Variants in SEMA4A observed in about 807,000 individuals in gnomAD.
The protein encoded by SEMA4A is semaphorin-4A.
In SEMA4A, 52 loss-of-function variants were observed where a neutral mutation model predicts 72.5. The ratio of observed to expected loss-of-function variants is 0.72; its 90% confidence interval spans 0.57 to 0.90. SEMA4A has a LOEUF of 0.90. Among genes scored for constraint, SEMA4A ranks in the 40% least tolerant of loss-of-function variants. The pLI, the probability that SEMA4A is intolerant of heterozygous loss-of-function variation, is 0.00. For synonymous variants in SEMA4A, 369 were observed against 393.1 expected, an observed-to-expected ratio of 0.94 and a Z score of 0.73; for missense variants, 926 against 959.7, an observed-to-expected ratio of 0.96 and a Z score of 0.46.
At chr1:156,171,624 TG>T (rs1654781758) in intron 10 of SEMA4A, among the ~76,000 whole-genome samples, 1 of 152,158 alleles carries the variant, frequency 6.6e-6, no homozygotes, top group Non-Finnish European at 1.5e-5. Flanking sequence ...TTGCCCAGGC[TG>T]GAGTACAGTG....
chr1:156,161,070 A>C, intron 8 of SEMA4A, 41 bp downstream of exon 8: 1 of 1,575,094 alleles, frequency 6.3e-7, no homozygotes, highest in Non-Finnish European at 8.6e-7. Flanking sequence ...CTGGAGGAGA[A>C]CCAATAGGGA....
At position 156,176,631 on chromosome 1, in the gene SEMA4A, G is replaced by A. The variant is rs977813224; in HGVS notation, c.1920G>A (p.Val640=). The A allele has an allele frequency of 4.3e-6, 7 of 1,614,082 alleles. No homozygotes were observed. Among genetic ancestry groups the A allele is most frequent in the Non-Finnish European group, 5.9e-6 (7 of 1,180,028 alleles). The change falls in exon 15 of 15, where the codon GTG becomes GTA. Residue 640 remains valine, a synonymous_variant. Coordinates refer to ENST00000368285, the MANE Select transcript of SEMA4A (RefSeq NM_022367.4). ...GFSYPVISYW[V]DSQDQTLALD... is the part of the protein sequence containing the mutation. ...CATACCCTGTGATCTCCTACTGGGTGGACAGCCAGGACCAGACCCTGGCCC... is the reference window on the plus strand; with the variant it reads ...CATACCCTGTGATCTCCTACTGGGTAGACAGCCAGGACCAGACCCTGGCCC...
chr1:156,160,346 A>C (rs1653469952), intron 6 of SEMA4A, 97 bp from the exon 7 acceptor site: 2 of 946,780 alleles, frequency 2.1e-6, no homozygotes, highest in South Asian at 2.6e-5. Context: ...GGCCCCCGAG[A>C]CTGATATGGA....
chr1:156,161,318 CG>C, intron 8 of SEMA4A, 27 bp from the exon 9 acceptor site: 3 of 1,334,618 alleles, frequency 2.2e-6, no homozygotes, highest in South Asian at 1.2e-5. Flanking sequence ...GCGCCCGGGG[CG>C]CCCCCTGACT....
chr1:156,156,354 A>G (rs1354355379), intron 2 of SEMA4A, 60 bp from the exon 3 acceptor site: 1 of 1,545,322 alleles, frequency 6.5e-7, no homozygotes, highest in African/African-American at 1.4e-5. Flanking sequence ...CTTTTATCTC[A>G]GGAGTCAGCT....
chr1:156,159,030 T>TAAAA, intron 6 of SEMA4A: 3 of 190,256 alleles, frequency 1.6e-5, no homozygotes, highest in South Asian at 5.2e-5. Flanking sequence ...CGAGATCGTC[T>TAAAA]CAAAAAAAAA....
intron 13 of SEMA4A, 135 bp from the exon 14 acceptor site, chr1:156,175,421 C>T (rs1655221276): frequency 6.4e-6 from 7 of 1,100,430 alleles, no homozygotes; most frequent in Non-Finnish European, 9.6e-6. Context: ...GCTGCTCTGG[C>T]CATTCCGCGT....
intron 10 of SEMA4A, among the ~76,000 whole-genome samples, chr1:156,170,511 C>T (rs1654618997): frequency 7.0e-6 from 1 of 143,368 alleles, no homozygotes; most frequent in East Asian, 2.1e-4. Context: ...TCCCACAGCA[C>T]TTTGGGAGGC....
At chr1:156,175,429 C>T (rs1158845553) in intron 13 of SEMA4A, 127 bp from the exon 14 acceptor site, 13 of 1,095,202 alleles carry the variant, frequency 1.2e-5, no homozygotes, top group African/African-American at 1.6e-5. Flanking sequence ...GGCCATTCCG[C>T]GTTCCTCTCT....
At chr1:156,160,684 G>C (rs747693252) in intron 7 of SEMA4A, 125 bp downstream of exon 7, 4 of 1,050,794 alleles carry the variant, frequency 3.8e-6, no homozygotes, top group Non-Finnish European at 5.8e-6. Context: ...ATATGGCAGG[G>C]AAGAAGGCAA....
chr1:156,160,911 C>A lies in SEMA4A; in HGVS notation c.692C>A (p.Ala231Asp). ...DNFLRWLHHD[A>D]SFVAAIPSTQ... is the part of the protein sequence containing the mutation. ...ATCTGCCCCTCCCCCGCAGATGACG[C>A]CTCCTTTGTGGCAGCCATCCCTTCG... The change falls in exon 8 of 15, where the codon GCC becomes GAC. Residue 231 changes from alanine (A) to aspartate (D), a missense_variant. Coordinates refer to ENST00000368285, the MANE Select transcript of SEMA4A (RefSeq NM_022367.4). 1 of 1,613,750 alleles carries A rather than the reference C, an allele frequency of 6.2e-7. No individual in the cohort carries two copies. The highest frequency in any genetic ancestry group is 8.5e-7 in the Non-Finnish European group (1 of 1,179,942).
At chr1:156,158,891 T>G (rs1409174372) in intron 6 of SEMA4A, 67 bp downstream of exon 6, 6 of 1,368,942 alleles carry the variant, frequency 4.4e-6, no homozygotes, top group Non-Finnish European at 6.3e-6. Flanking sequence ...AAATATGGAA[T>G]ATTACAGAGT....
At chr1:156,174,130 T>C (rs1195992232) in intron 11 of SEMA4A, among the ~76,000 whole-genome samples, 1 of 151,474 alleles carries the variant, frequency 6.6e-6, no homozygotes, top group Non-Finnish European at 1.5e-5. Flanking sequence ...AAATAGCCAT[T>C]GTGGAAAGAG....
At chr1:156,175,770 G>A (rs920898958) in intron 14 of SEMA4A, 114 bp downstream of exon 14, 17 of 778,566 alleles carry the variant, frequency 2.2e-5, no homozygotes, top group Non-Finnish European at 3.6e-5. Flanking sequence ...CTTGAGATCT[G>A]AACACCCGAG....
At chr1:156,164,778 G>C (rs1654003918) in intron 10 of SEMA4A, among the ~76,000 whole-genome samples, 2 of 151,474 alleles carry the variant, frequency 1.3e-5, no homozygotes, top group South Asian at 4.2e-4. Flanking sequence ...TGCTTGCTTT[G>C]TTTTCTAAGC....
intron 10 of SEMA4A, among the ~76,000 whole-genome samples, chr1:156,167,292 C>T (rs1415647491): frequency 1.3e-5 from 2 of 151,702 alleles, no homozygotes; most frequent in Non-Finnish European, 2.9e-5. Flanking sequence ...AGTTTGAGAG[C>T]AGCCTGGGCA....
intron 4 of SEMA4A, 42 bp from the exon 5 acceptor site, chr1:156,158,346 G>A (rs1449716190): frequency 1.3e-6 from 2 of 1,520,414 alleles, no homozygotes; most frequent in Non-Finnish European, 1.8e-6. Context: ...CCAGCAATTT[G>A]AGTCAGGTGG....
At chr1:156,163,681 A>T (rs1653889780) in intron 10 of SEMA4A, among the ~76,000 whole-genome samples, 1 of 137,352 alleles carries the variant, frequency 7.3e-6, no homozygotes, top group African/African-American at 2.7e-5. Context: ...AGATTGCGCC[A>T]CTGCACTCCA....
rs374441472 is a variant in SEMA4A at position 156,172,941 on chromosome 1, G to A, written c.1250G>A (p.Arg417Gln). The A allele has an allele frequency of 5.0e-6, 8 of 1,614,014 alleles. No homozygotes were observed. Among genetic ancestry groups the A allele is most frequent in the East Asian group, 4.5e-5 (2 of 44,898 alleles). ...GTGAAATCTGGCGTGGAGTATACAC[G>A]GCTTGCAGTGGAGACAGCCCAGGGC... is the stretch of plus-strand genomic sequence containing the variant. The part of the protein sequence containing the change: ...LLVKSGVEYT[R>Q]LAVETAQGLD... The change falls in exon 11 of 15, where the codon CGG becomes CAG. Residue 417 changes from arginine to glutamine, a missense_variant. Coordinates refer to ENST00000368285, the MANE Select transcript of SEMA4A (RefSeq NM_022367.4).
Sources: allele counts gnomAD v4.1 joint callset (sites outside exome capture counted in the v4.1 genomes callset), GRCh38; gene constraint gnomAD v4.1.1; transcripts MANE v1.5; gene names NCBI Gene and HGNC (gene_info 2026-07-23, HGNC 2026-07-21).